Variants in DHRSX observed in about 807,000 individuals in gnomAD.
DHRSX encodes dehydrogenase/reductase X-linked.
Under a neutral mutation model 34.0 loss-of-function variants are expected in DHRSX, and 31 were observed. The ratio of observed to expected loss-of-function variants is 0.91; its 90% CI spans 0.69 to 1.23. The LOEUF (loss-of-function observed/expected upper bound fraction) is 1.23, where lower values mean the gene tolerates loss of function less well. DHRSX is among the 50% of genes most tolerant of loss of function. DHRSX has a pLI of 0.00. For missense variants in DHRSX, 414 were observed against 428.1 expected (o/e 0.97, Z 0.29); for synonymous variants, 201 against 183.8 (o/e 1.09, Z -0.76).
At position 2,381,439 on chromosome X, in the gene DHRSX, A is replaced by G. The variant is rs868539631; in HGVS notation, c.286+27306T>C. The stretch of plus-strand genomic sequence containing the variant: ...CTCCAGAAGTGTGAGCCTGACCAAC[A>G]GGGAGAAACCCCGTCTATACTAAAA... On this transcript the variant is annotated intron_variant, in intron 3 of 6. Coordinates refer to ENST00000334651, the MANE Select transcript of DHRSX (RefSeq NM_145177.3). Among the ~76,000 whole-genome samples the G allele has an allele frequency of 3.9e-5, 6 of 152,142 alleles. No homozygotes were observed. The South Asian group carries it at 1.0e-3, about 26-fold the overall frequency.
At chrX:2,290,601 T>C (rs1197812003) in intron 4 of DHRSX, among the ~76,000 whole-genome samples, 2 of 152,250 alleles carry the variant, frequency 1.3e-5, no homozygotes, top group Non-Finnish European at 2.9e-5. Context: ...AGGAATGTGC[T>C]GTCTTTATGG....
chrX:2,284,588 C>T (rs1222320492), intron 4 of DHRSX, among the ~76,000 whole-genome samples: 4 of 152,180 alleles, frequency 2.6e-5, no homozygotes, highest in Non-Finnish European at 5.9e-5. Context: ...GAAAGAAATT[C>T]ATCCATTAGA....
intron 3 of DHRSX, among the ~76,000 whole-genome samples, chrX:2,364,727 C>T (rs1449269393): frequency 6.6e-6 from 1 of 151,954 alleles, no homozygotes; most frequent in Non-Finnish European, 1.5e-5. Context: ...CTATCAAGTA[C>T]ATATTTATCT....
At chrX:2,224,166 C>T (rs1213257832) in intron 6 of DHRSX, among the ~76,000 whole-genome samples, 2 of 152,226 alleles carry the variant, frequency 1.3e-5, no homozygotes, top group Admixed American at 1.3e-4. Context: ...GATTCAGGGG[C>T]TCATGCCCCA....
At chrX:2,379,940 G>A (rs992109734) in intron 3 of DHRSX, among the ~76,000 whole-genome samples, 5 of 152,030 alleles carry the variant, frequency 3.3e-5, no homozygotes, top group African/African-American at 1.2e-4. Context: ...CAGAATCTGA[G>A]ACTCCAAAAC....
chrX:2,224,732 G>GCA (rs1162640538), intron 6 of DHRSX, among the ~76,000 whole-genome samples: 1 of 151,790 alleles, frequency 6.6e-6, no homozygotes, highest in East Asian at 1.9e-4. Flanking sequence ...TCATGCATAC[G>GCA]CACACACACA....
intron 3 of DHRSX, among the ~76,000 whole-genome samples, chrX:2,324,279 C>T (rs1162142190): frequency 1.3e-5 from 2 of 152,062 alleles, no homozygotes; most frequent in South Asian, 2.1e-4. Flanking sequence ...TGCACTGAGA[C>T]GGCGCTGCAT....
intron 5 of DHRSX, among the ~76,000 whole-genome samples, chrX:2,248,767 G>A (rs186307662): frequency 6.6e-6 from 1 of 152,132 alleles, no homozygotes; most frequent in East Asian, 1.9e-4. Flanking sequence ...ACTGCTCAGA[G>A]GCCAAAAAAA....
At chrX:2,396,357 G>A (rs183693800) in intron 3 of DHRSX, among the ~76,000 whole-genome samples, 275 of 145,982 alleles carry the variant, frequency 1.9e-3, no homozygotes, top group Non-Finnish European at 3.3e-3. Context: ...AATTGTGTTT[G>A]ATGCTTTCTT....
chrX:2,500,904 G>A lies in DHRSX; in HGVS notation c.22C>T (p.Arg8Trp), dbSNP rs1250547298. The A allele has an allele frequency of 8.9e-7, 1 of 1,123,162 alleles. No homozygotes were observed. The highest frequency in any genetic ancestry group is 1.7e-5 in the African/African-American group (1 of 59,894). The allele number at this position is 1,123,162 out of a possible 1,614,324, so 69.6% of individuals were successfully genotyped here. Residue 8 changes from arginine (R) to tryptophan (W), a missense_variant, in exon 1 of 7, where the codon CGG becomes TGG. Arg to Trp is a moderately radical substitution (Grantham distance 101, BLOSUM62 -3). Transcript: ENST00000334651. MSPLSAA[R>W]AALRVYAVGA... The stretch of plus-strand genomic sequence containing the variant: ...ACCGCGTAGACCCGCAGGGCCGCCC[G>A]CGCCGCAGACAATGGCGACATGGCT...
chrX:2,451,630 A>T, intron 1 of DHRSX, among the ~76,000 whole-genome samples: 1 of 152,314 alleles, frequency 6.6e-6, no homozygotes. Context: ...ACGTGCAGAG[A>T]GGAGCAGGCT....
intron 2 of DHRSX, among the ~76,000 whole-genome samples, chrX:2,420,330 C>A (rs1354024700): frequency 6.6e-6 from 1 of 151,986 alleles, no homozygotes; most frequent in Admixed American, 6.6e-5. Flanking sequence ...ATCGCTTCAA[C>A]CCGGGAGGCA....
At chrX:2,446,210 A>T (rs1488194675) in intron 1 of DHRSX, among the ~76,000 whole-genome samples, 1 of 152,000 alleles carries the variant, frequency 6.6e-6, no homozygotes, top group Non-Finnish European at 1.5e-5. Flanking sequence ...GCCGCCATGT[A>T]CACACTAAAA....
chrX:2,362,527 C>G (rs764628397), intron 3 of DHRSX, among the ~76,000 whole-genome samples: 167 of 152,306 alleles, frequency 1.1e-3, no homozygotes, highest in Non-Finnish European at 1.9e-3. Flanking sequence ...CCTCGAAATC[C>G]TGACCTCGTG....
intron 5 of DHRSX, among the ~76,000 whole-genome samples, chrX:2,254,474 A>G (rs891484078): frequency 8.5e-5 from 13 of 152,194 alleles, no homozygotes; most frequent in Admixed American, 8.5e-4. Context: ...GTATTATAAC[A>G]ATCCTTCATG....
intron 1 of DHRSX, among the ~76,000 whole-genome samples, chrX:2,466,992 G>C (rs1252107389): frequency 6.6e-6 from 1 of 150,404 alleles, no homozygotes; most frequent in African/African-American, 2.4e-5. Flanking sequence ...TTGAATGCGG[G>C]AGACAGAGAT....
At chrX:2,373,824 G>C (rs1158413468) in intron 3 of DHRSX, among the ~76,000 whole-genome samples, 1 of 152,168 alleles carries the variant, frequency 6.6e-6, no homozygotes, top group Non-Finnish European at 1.5e-5. Flanking sequence ...GGAAATAGAG[G>C]TGAGATGTTG....
intron 6 of DHRSX, among the ~76,000 whole-genome samples, chrX:2,241,702 A>G (rs772582991): frequency 1.1e-4 from 17 of 152,240 alleles, no homozygotes; most frequent in African/African-American, 3.6e-4. Context: ...TGAGGTCCAG[A>G]GTTCGTGACC....
At chrX:2,390,056 C>T (rs945526193) in intron 3 of DHRSX, among the ~76,000 whole-genome samples, 7 of 151,590 alleles carry the variant, frequency 4.6e-5, no homozygotes, top group Non-Finnish European at 1.0e-4. Flanking sequence ...GCTGGGATTA[C>T]AGGCATGAAC....
Sources: gnomAD v4.1 joint callset for allele counts (sites outside exome capture counted in the v4.1 genomes callset) on GRCh38, gnomAD v4.1.1 for gene constraint, MANE v1.5 for transcripts, NCBI Gene and HGNC (gene_info 2026-07-23, HGNC 2026-07-21) for gene names.